The following SLCO5A1 variants were observed in gnomAD, a reference collection of about 807,000 sequenced individuals.
SLCO5A1 encodes organic anion transporter polypeptide-related protein 4.
In SLCO5A1, 39 loss-of-function variants were observed where a neutral mutation model predicts 65.1. The ratio of observed to expected loss-of-function variants is 0.60; its 90% CI spans 0.46 to 0.78. SLCO5A1 has a LOEUF of 0.78. SLCO5A1 is among the 30% of genes least tolerant of loss of function. The pLI is 0.00. For synonymous variants in SLCO5A1, 438 were observed against 415.7 expected (o/e 1.05, Z -0.65); for missense variants, 1,029 against 1,069.4 (o/e 0.96, Z 0.53).
intron 4 of SLCO5A1, among the ~76,000 whole-genome samples, chr8:69,752,189 CCACTGCACT>C (rs1817337116): frequency 1.3e-5 from 2 of 152,122 alleles, no homozygotes; most frequent in Admixed American, 1.3e-4. Context: ...CAAGATCACA[CCACTGCACT>C]CCAGCCTGGG....
chr8:69,832,646 C>T lies in SLCO5A1; in HGVS notation c.28G>A (p.Gly10Arg), dbSNP rs776086953. 7 of 1,606,308 alleles carry T rather than the reference C, an allele frequency of 4.4e-6. No individual in the cohort carries two copies. In the South Asian group the frequency reaches 5.5e-5, roughly 13 times the overall value. The change falls in exon 2 of 10, where the codon GGG becomes AGG. Residue 10 changes from glycine to arginine, a missense_variant. Transcript: ENST00000260126. This position sits in a 1 kb window ranked among gnomAD's most constrained non-coding sequence, Gnocchi z 4.5. MDEGTGLQPGAGEQLEAPAT... is the reference protein window; with the variant it reads MDEGTGLQPRAGEQLEAPAT... ...GGCGCCTCCAGCTGCTCTCCCGCCC[C>T]GGGCTGCAGTCCAGTGCCTTCGTCC...
intron 6 of SLCO5A1, among the ~76,000 whole-genome samples, chr8:69,693,210 C>T (rs1586690929): frequency 6.6e-6 from 1 of 152,214 alleles, no homozygotes; most frequent in African/African-American, 2.4e-5. Flanking sequence ...GTCCATTCAT[C>T]TGTCTATGGA....
At chr8:69,680,449 T>C (rs1813718074) in intron 7 of SLCO5A1, among the ~76,000 whole-genome samples, 1 of 152,250 alleles carries the variant, frequency 6.6e-6, no homozygotes, top group Non-Finnish European at 1.5e-5. Flanking sequence ...TCCATGTTGC[T>C]GCCAAGGTCA....
chr8:69,725,460 G>GATGTATGTATGT (rs61338509), intron 5 of SLCO5A1, among the ~76,000 whole-genome samples: 5,028 of 150,452 alleles, frequency 0.033, 231 homozygotes, highest in African/African-American at 0.1. Context: ...AAAGAATAAA[G>GATGTATGTATGT]ATGTATGTAT....
In SLCO5A1 at chr8:69,682,218, GC is replaced by G; in HGVS notation, c.1747del (p.Ala583LeufsTer27). 1 of 1,612,738 alleles carries G rather than the reference GC, an allele frequency of 6.2e-7. No individual in the cohort carries two copies. The highest frequency in any genetic ancestry group is 1.1e-5 in the South Asian group (1 of 90,752). Reference protein sequence around the residue: ...DGITYFNPCLAGCVNSGNLST... With the variant: ...DGITYFNPCLXGCVNSGNLST... ...AAGATTACCACTATTAACACAGCCA[GC>G]CAGACAAGGGTTAAAGTATGTAATT... On this transcript the variant is annotated frameshift_variant, in exon 7 of 10. Transcript: ENST00000260126. LOFTEE classifies it high-confidence loss of function.
chr8:69,827,196 T>C (rs902673449), intron 2 of SLCO5A1, among the ~76,000 whole-genome samples: 3 of 150,598 alleles, frequency 2.0e-5, no homozygotes, highest in Admixed American at 2.0e-4. Context: ...TACCTAATGC[T>C]AAATGACGAG....
chr8:69,824,021 T>C (rs1017453231), intron 2 of SLCO5A1, among the ~76,000 whole-genome samples: 1 of 152,204 alleles, frequency 6.6e-6, no homozygotes, highest in Non-Finnish European at 1.5e-5. Context: ...TGCTCCTGAA[T>C]GACTACTGGG....
At chr8:69,675,030 ACT>A (rs974625918) in intron 9 of SLCO5A1, among the ~76,000 whole-genome samples, 4 of 149,784 alleles carry the variant, frequency 2.7e-5, no homozygotes, top group African/African-American at 9.9e-5. Context: ...ACAGAGCAAG[ACT>A]CTGTCTCCAA....
At chr8:69,786,293 T>C (rs1819038359) in intron 2 of SLCO5A1, among the ~76,000 whole-genome samples, 1 of 152,202 alleles carries the variant, frequency 6.6e-6, no homozygotes, top group Non-Finnish European at 1.5e-5. Flanking sequence ...GTGACAACTG[T>C]TTAGCTTATT....
At chr8:69,827,606 T>G (rs1331948760) in intron 2 of SLCO5A1, among the ~76,000 whole-genome samples, 1 of 152,206 alleles carries the variant, frequency 6.6e-6, no homozygotes, top group Non-Finnish European at 1.5e-5. Context: ...ACTACCTGAT[T>G]TTTTTCTTTC....
chr8:69,680,579 G>A lies in SLCO5A1; in HGVS notation c.1783-960C>T, dbSNP rs574088688. ...TTCCATGTCTTTACTATTGTGAACA[G>A]TGCTGCGATGAACATACAAGTGCAT... On this transcript the variant is annotated intron_variant, in intron 7 of 9. Transcript: ENST00000260126. Among the ~76,000 whole-genome samples, 297 of 152,264 alleles carry A rather than the reference G, an allele frequency of 2.0e-3. 2 individuals carry two copies. Among genetic ancestry groups the A allele is most frequent in the Non-Finnish European group, 3.2e-3 (220 of 68,028 alleles).
intron 6 of SLCO5A1, among the ~76,000 whole-genome samples, chr8:69,694,931 A>T (rs924531406): frequency 6.6e-6 from 1 of 152,186 alleles, no homozygotes; most frequent in African/African-American, 2.4e-5. Flanking sequence ...GATAATAAAG[A>T]TGTAAATTTC....
chr8:69,673,143 T>A lies in SLCO5A1; in HGVS notation c.2273A>T (p.Tyr758Phe), dbSNP rs756597571. Residue 758 changes from tyrosine (Y) to phenylalanine (F), a missense_variant, in exon 10 of 10, where the codon TAC (tyrosine) becomes TTC (phenylalanine). Physicochemically the swap from Tyr to Phe is conservative, Grantham distance 22. This residue lies in a region of SLCO5A1 where 258 missense variants were observed against 237.4 expected (regional missense o/e 1.09). Coordinates refer to ENST00000260126, the MANE Select transcript of SLCO5A1 (RefSeq NM_030958.3). ...TCCATCCTCCTTGTATTTTATGGAG[T>A]ACCAGGCCAGAAAAATAAAAATAAA... ...VGFIFIFLAWYSIKYKEDGLQ... is the reference protein window; with the variant it reads ...VGFIFIFLAWFSIKYKEDGLQ... The A allele has an allele frequency of 6.8e-6, 11 of 1,614,022 alleles. No individual in the cohort carries two copies. In the South Asian group the frequency reaches 1.1e-4, roughly 16 times the overall value.
At chr8:69,752,223 T>A (rs1288510937) in intron 4 of SLCO5A1, among the ~76,000 whole-genome samples, 2 of 151,890 alleles carry the variant, frequency 1.3e-5, no homozygotes, top group Non-Finnish European at 2.9e-5. Flanking sequence ...AGAGAGAGAC[T>A]CTGTCTCAAT....
chr8:69,762,130 CTTTCTTTCTTTCTTTCTTTCTTTCTTTCT>C (rs1817810330), intron 2 of SLCO5A1, among the ~76,000 whole-genome samples: 3 of 14,180 alleles, frequency 2.1e-4, no homozygotes, highest in Non-Finnish European at 1.3e-4. Context: ...TTCTTTCTTT[CTTTCTTTCTTTCTTTCTTTCTTTCTTTCT>C]TTCTTTCTTT....
chr8:69,673,398 GCAAGGT>G, intron 9 of SLCO5A1, 72 bp from the exon 10 acceptor site: 1 of 1,356,304 alleles, frequency 7.4e-7, no homozygotes. Context: ...TTGTAAATTA[GCAAGGT>G]ACTTGTGTGC....
intron 2 of SLCO5A1, among the ~76,000 whole-genome samples, chr8:69,824,648 C>T (rs886319096): frequency 6.6e-6 from 1 of 152,024 alleles, no homozygotes; most frequent in African/African-American, 2.4e-5. Context: ...GCCTACCAAC[C>T]AAAAAGAGTC....
At chr8:69,716,812 C>T (rs1815562967) in intron 5 of SLCO5A1, among the ~76,000 whole-genome samples, 1 of 148,668 alleles carries the variant, frequency 6.7e-6, no homozygotes. Flanking sequence ...CAGGGCCTTG[C>T]TCTGTCACCC....
chr8:69,730,637 C>T (rs985779305), intron 5 of SLCO5A1, among the ~76,000 whole-genome samples: 4 of 152,178 alleles, frequency 2.6e-5, no homozygotes, highest in African/African-American at 7.2e-5. Flanking sequence ...AGTCAAGGCA[C>T]AAAACATGTT....
Sources: allele counts gnomAD v4.1 joint callset (sites outside exome capture counted in the v4.1 genomes callset), GRCh38; gene constraint gnomAD v4.1.1; regional missense constraint gnomAD v4.1.1; non-coding constraint Gnocchi (gnomAD v3.1); transcripts MANE v1.5; gene names NCBI Gene and HGNC (gene_info 2026-07-23, HGNC 2026-07-21).